The following SOX5 variants were observed in gnomAD, a reference collection of about 807,000 sequenced individuals.
SOX5 encodes transcription factor SOX-5.
SOX5 carries 9 observed loss-of-function variants against 92.0 expected under a neutral mutation model. That is an observed-to-expected ratio of 0.10 (90% CI 0.06 to 0.17). The LOEUF (loss-of-function observed/expected upper bound fraction) is 0.17. SOX5 is among the 10% of genes least tolerant of loss of function. The pLI is 1.00. For missense variants in SOX5, 642 were observed against 944.5 expected, an observed-to-expected ratio of 0.68 and a Z score of 4.20; for synonymous variants, 344 against 336.3, an observed-to-expected ratio of 1.02 and a Z score of -0.25.
chr12:24,339,163 C>CCCCACACACACACACACACA lies in SOX5; in HGVS notation c.-174+29399_-174+29400insTGTGTGTGTGTGTGTGTGGG, dbSNP rs141671017. On this transcript the variant is annotated intron_variant, in intron 2 of 4. Transcript: ENST00000446891. ...GTTTCTCTCTCTCTCTCTCTCTCTG[C>CCCCACACACACACACACACA]CACACACACACACACACACACACAC... 5.1e-4 allele frequency among the ~76,000 whole-genome samples: 71 copies of CCCCACACACACACACACACA among 140,466 alleles called. 1 individual carries two copies. Among genetic ancestry groups the CCCCACACACACACACACACA allele is most frequent in the Non-Finnish European group, 7.3e-4 (48 of 65,446 alleles). 92.2% of individuals were successfully genotyped at this position (140,466 alleles called of 152,430 possible).
chr12:23,688,065 C>CT (rs1366408261), intron 6 of SOX5, among the ~76,000 whole-genome samples: 1 of 151,976 alleles, frequency 6.6e-6, no homozygotes, highest in Non-Finnish European at 1.5e-5. Context: ...AACACAAACT[C>CT]TTTCTGTAGA....
At chr12:24,416,528 C>T (rs970362679) in intron 1 of SOX5, among the ~76,000 whole-genome samples, 3 of 152,178 alleles carry the variant, frequency 2.0e-5, no homozygotes. Flanking sequence ...GACTGAAATA[C>T]AGCCTTAGGA....
intron 1 of SOX5, among the ~76,000 whole-genome samples, chr12:23,914,219 A>G (rs1321713623): frequency 2.0e-5 from 3 of 152,220 alleles, no homozygotes. Flanking sequence ...GGGTAAGTAA[A>G]ATGGATAAGC....
intron 11 of SOX5, among the ~76,000 whole-genome samples, chr12:23,548,051 T>A (rs1262937496): frequency 3.3e-5 from 5 of 152,032 alleles, no homozygotes; most frequent in African/African-American, 1.2e-4. Context: ...ATCAACATGA[T>A]CTGATAGTCC....
intron 9 of SOX5, among the ~76,000 whole-genome samples, chr12:23,586,136 C>T (rs781646569): frequency 6.6e-6 from 1 of 152,114 alleles, no homozygotes; most frequent in Non-Finnish European, 1.5e-5. Flanking sequence ...CTTAAACCCA[C>T]TCCGTGTGTA....
At chr12:23,693,682 T>C (rs576807796) in intron 6 of SOX5, among the ~76,000 whole-genome samples, 35 of 152,256 alleles carry the variant, frequency 2.3e-4, no homozygotes, top group Admixed American at 5.2e-4. Context: ...TGATTTAACA[T>C]AAAGTTAGCT....
At chr12:24,281,546 A>G (rs1945202451) in intron 2 of SOX5, among the ~76,000 whole-genome samples, 1 of 152,228 alleles carries the variant, frequency 6.6e-6, no homozygotes, top group Non-Finnish European at 1.5e-5. Flanking sequence ...CCACATAAAT[A>G]TGCATTAGCA....
At chr12:24,305,818 A>C (rs1039842225) in intron 2 of SOX5, among the ~76,000 whole-genome samples, 1 of 152,104 alleles carries the variant, frequency 6.6e-6, no homozygotes, top group African/African-American at 2.4e-5. Context: ...GCTGGTCTTG[A>C]ACTCCTGAGC....
At chr12:23,672,248 A>G (rs925466070) in intron 6 of SOX5, among the ~76,000 whole-genome samples, 1 of 152,120 alleles carries the variant, frequency 6.6e-6, no homozygotes, top group Non-Finnish European at 1.5e-5. Flanking sequence ...CCCCTCCTAA[A>G]TGAAACCTGT....
intron 1 of SOX5, among the ~76,000 whole-genome samples, chr12:24,382,731 G>A (rs923308690): frequency 2.0e-5 from 3 of 152,130 alleles, no homozygotes; most frequent in Middle Eastern, 3.2e-3. Context: ...GTGGTGAGAG[G>A]TGCTCAGATT....
chr12:23,615,280 T>TA (rs1017899010), intron 8 of SOX5, among the ~76,000 whole-genome samples: 3 of 152,100 alleles, frequency 2.0e-5, no homozygotes, highest in African/African-American at 7.2e-5. Context: ...TTGCTTTTTT[T>TA]AAAAAAAATT....
At chr12:23,830,584 T>C (rs907495572) in intron 3 of SOX5, among the ~76,000 whole-genome samples, 1 of 152,162 alleles carries the variant, frequency 6.6e-6, no homozygotes, top group Non-Finnish European at 1.5e-5. Flanking sequence ...CTCTGCCAAT[T>C]AAAGTATCTT....
chr12:24,323,626 T>C (rs1950411154), intron 2 of SOX5, among the ~76,000 whole-genome samples: 1 of 152,134 alleles, frequency 6.6e-6, no homozygotes. Flanking sequence ...AATGCCCTTC[T>C]AATTGCTGTC....
intron 1 of SOX5, among the ~76,000 whole-genome samples, chr12:24,506,605 C>T (rs942210830): frequency 1.3e-5 from 2 of 152,016 alleles, no homozygotes; most frequent in African/African-American, 4.8e-5. Flanking sequence ...GAATTTCATG[C>T]AAGGGGAGAG....
At chr12:24,237,896 A>G (rs1418259187) in intron 3 of SOX5, 1 of 152,180 alleles carries the variant, frequency 6.6e-6, no homozygotes, top group Admixed American at 6.5e-5. Context: ...CAGGGAAAGA[A>G]TGATTCCATC....
intron 1 of SOX5, among the ~76,000 whole-genome samples, chr12:24,502,000 T>A (rs146082708): frequency 1.2e-3 from 189 of 152,178 alleles, no homozygotes; most frequent in Non-Finnish European, 1.7e-3. Flanking sequence ...TCTCTTCACA[T>A]CCTGAAAAAA....
At chr12:24,490,208 C>T (rs1946913234) in intron 1 of SOX5, among the ~76,000 whole-genome samples, 2 of 152,186 alleles carry the variant, frequency 1.3e-5, no homozygotes, top group South Asian at 4.1e-4. Context: ...CATAGTCTGT[C>T]ATTATGCAGA....
intron 2 of SOX5, among the ~76,000 whole-genome samples, chr12:23,875,523 A>AGGAAGAAAGGAGG (rs1278033544): frequency 1.4e-4 from 21 of 152,172 alleles, no homozygotes; most frequent in Non-Finnish European, 2.4e-4. Flanking sequence ...ATAGAAAGGA[A>AGGAAGAAAGGAGG]GGAAGAAAGG....
intron 1 of SOX5, among the ~76,000 whole-genome samples, chr12:24,493,367 A>G (rs1017645058): frequency 1.3e-5 from 2 of 151,916 alleles, no homozygotes; most frequent in East Asian, 3.8e-4. Context: ...ATTCTGGAAC[A>G]TAAAATAAAA....
Sources: gnomAD v4.1 joint callset for allele counts (sites outside exome capture counted in the v4.1 genomes callset) on GRCh38, gnomAD v4.1.1 for gene constraint, MANE v1.5 for transcripts, NCBI Gene and HGNC (gene_info 2026-07-23, HGNC 2026-07-21) for gene names.